The following ABCC1 variants were observed in gnomAD, a reference collection of about 807,000 sequenced individuals.
The protein encoded by ABCC1 is ATP binding cassette subfamily C member 1 (ABCC1 blood group).
ABCC1 carries 83 observed loss-of-function variants against 172.9 expected under a neutral mutation model. The ratio of observed to expected loss-of-function variants is 0.48; its 90% CI spans 0.40 to 0.58. The LOEUF is 0.58. ABCC1 is among the 20% of genes least tolerant of loss of function. The probability of loss-of-function intolerance (pLI) is 0.00; values close to 1 mark genes in which losing one functional copy is unlikely to be tolerated. For missense variants in ABCC1, 1,817 were observed against 2,002.7 expected, an observed-to-expected ratio of 0.91 and a Z score of 1.77; for synonymous variants, 937 against 825.2, an observed-to-expected ratio of 1.14 and a Z score of -2.32.
chr16:16,105,040 G>A (rs1322468035), intron 20 of ABCC1, among the ~76,000 whole-genome samples: 5 of 152,268 alleles, frequency 3.3e-5, no homozygotes, highest in Admixed American at 2.6e-4. Context: ...TGAGGGAGCC[G>A]GCTCCAGCCT....
chr16:15,958,145 A>G (rs11645782), intron 1 of ABCC1, among the ~76,000 whole-genome samples: 2,271 of 151,162 alleles, frequency 0.015, 17 homozygotes, highest in Non-Finnish European at 0.021. Flanking sequence ...TCGCTCTGTC[A>G]CCCAGGCTGG....
intron 19 of ABCC1, among the ~76,000 whole-genome samples, chr16:16,090,802 A>C (rs182812770): frequency 1.6e-3 from 246 of 152,168 alleles, no homozygotes; most frequent in African/African-American, 5.5e-3. Flanking sequence ...CTTTATGGCC[A>C]GGGGATGGGA....
At chr16:16,125,940 T>C in intron 26 of ABCC1, 29 bp downstream of exon 26, 4 of 1,568,326 alleles carry the variant, frequency 2.6e-6, no homozygotes, top group Non-Finnish European at 3.5e-6. Context: ...CTGGACCTCT[T>C]GGTCTTTGGT....
chr16:16,068,358 G>A (rs1395971819), intron 13 of ABCC1, 56 bp downstream of exon 13: 35 of 1,598,982 alleles, frequency 2.2e-5, no homozygotes, highest in East Asian at 1.1e-4. Flanking sequence ...TCTAGGCCAC[G>A]AAAGCATGGA....
intron 20 of ABCC1, among the ~76,000 whole-genome samples, chr16:16,103,734 A>G (rs1288778689): frequency 6.6e-6 from 1 of 152,092 alleles, no homozygotes; most frequent in Admixed American, 6.6e-5. Flanking sequence ...GAGAGCAAAG[A>G]CCATGCGGCA....
At chr16:16,005,070 T>TTG (rs1268536890) in intron 1 of ABCC1, among the ~76,000 whole-genome samples, 22 of 35,936 alleles carry the variant, frequency 6.1e-4, no homozygotes, top group Non-Finnish European at 1.5e-3. Context: ...CATTTTTAAC[T>TTG]TTTTTTTTTT....
rs2049176646 is a variant in ABCC1 at position 16,045,692 on chromosome 16, G to A, written c.1041-144G>A. On this transcript the variant is annotated intron_variant, in intron 8 of 30. Coordinates refer to ENST00000399410, the MANE Select transcript of ABCC1 (RefSeq NM_004996.4). ...CCTGCACAGCCAGATCACCACTGTGGACTTGTTTTTCCATCTATGAAATTG... is the reference window on the plus strand; with the variant it reads ...CCTGCACAGCCAGATCACCACTGTGAACTTGTTTTTCCATCTATGAAATTG... 7.2e-6 allele frequency: 6 copies of A among 837,538 alleles called. No individual in the cohort carries two copies. In the East Asian group the frequency reaches 1.6e-4, roughly 22 times the overall value. The allele number at this position is 837,538 out of a possible 1,614,324, so 51.9% of individuals were successfully genotyped here.
intron 14 of ABCC1, among the ~76,000 whole-genome samples, chr16:16,074,627 A>G (rs1190275783): frequency 6.6e-6 from 1 of 152,092 alleles, no homozygotes; most frequent in Non-Finnish European, 1.5e-5. Flanking sequence ...CGCTCTAGCC[A>G]GTGGGGGCCC....
intron 12 of ABCC1, among the ~76,000 whole-genome samples, chr16:16,064,159 C>A (rs1282109305): frequency 6.6e-6 from 1 of 152,016 alleles, no homozygotes; most frequent in East Asian, 1.9e-4. Context: ...GTAGGGGTTC[C>A]ATTCATTGGT....
intron 5 of ABCC1, among the ~76,000 whole-genome samples, chr16:16,028,181 A>G (rs1280327397): frequency 1.3e-5 from 2 of 152,068 alleles, no homozygotes; most frequent in Non-Finnish European, 2.9e-5. Context: ...CTCAACCCTC[A>G]GTGATTAAGG....
At chr16:16,132,214 G>T (rs2045706711) in intron 27 of ABCC1, among the ~76,000 whole-genome samples, 1 of 152,146 alleles carries the variant, frequency 6.6e-6, no homozygotes, top group Non-Finnish European at 1.5e-5. Flanking sequence ...TGTTGAGAGA[G>T]GGTCTTGCTC....
At chr16:16,102,605 C>A (rs200314829) in intron 19 of ABCC1, 22 bp from the exon 20 acceptor site, 4 of 1,560,288 alleles carry the variant, frequency 2.6e-6, no homozygotes, top group African/African-American at 2.7e-5. Flanking sequence ...CCCACTTGCC[C>A]CCTTTGTCTC....
At chr16:16,079,547 G>A in intron 16 of ABCC1, 69 bp downstream of exon 16, 1 of 1,548,014 alleles carries the variant, frequency 6.5e-7, no homozygotes, top group Non-Finnish European at 8.8e-7. Context: ...CAGAAATGAT[G>A]GTGTTTCTTT....
chr16:16,061,407 C>G (rs944623079), intron 12 of ABCC1, among the ~76,000 whole-genome samples: 2 of 152,234 alleles, frequency 1.3e-5, no homozygotes, highest in Non-Finnish European at 2.9e-5. Context: ...CAGGATGTTT[C>G]CCAGCATCTG....
At chr16:15,956,037 C>T (rs2045990466) in intron 1 of ABCC1, among the ~76,000 whole-genome samples, 1 of 152,138 alleles carries the variant, frequency 6.6e-6, no homozygotes, top group South Asian at 2.1e-4. Context: ...TACCTGAGGT[C>T]AGGAGTTCCA....
intron 24 of ABCC1, among the ~76,000 whole-genome samples, chr16:16,123,327 G>A (rs1401780208): frequency 6.6e-6 from 1 of 152,024 alleles, no homozygotes; most frequent in Non-Finnish European, 1.5e-5. Context: ...GATATCATAC[G>A]AAGCCTAGCT....
chr16:16,061,924 C>T (rs2049934342), intron 12 of ABCC1, among the ~76,000 whole-genome samples: 1 of 151,974 alleles, frequency 6.6e-6, no homozygotes, highest in Non-Finnish European at 1.5e-5. Context: ...CAAGCATGCA[C>T]CACCATGCCC....
intron 19 of ABCC1, chr16:16,098,845 C>G: frequency 1.5e-6 from 2 of 1,351,986 alleles, no homozygotes; most frequent in Non-Finnish European, 2.0e-6. Flanking sequence ...TGCTTCTTAA[C>G]AATATCTTGG....
At chr16:16,023,795 A>G (rs1389027971) in intron 5 of ABCC1, among the ~76,000 whole-genome samples, 1 of 152,108 alleles carries the variant, frequency 6.6e-6, no homozygotes, top group Non-Finnish European at 1.5e-5. Flanking sequence ...CTCAAGTCTA[A>G]GGAATGCGAG....
Sources: gnomAD v4.1 joint callset for allele counts (sites outside exome capture counted in the v4.1 genomes callset) on GRCh38, gnomAD v4.1.1 for gene constraint, MANE v1.5 for transcripts, NCBI Gene and HGNC (gene_info 2026-07-23, HGNC 2026-07-21) for gene names.